The following COL5A1 variants were observed in gnomAD, a reference collection of about 807,000 sequenced individuals.
The protein encoded by COL5A1 is collagen type V alpha 1 chain, also known as collagen alpha-1(V) chain.
COL5A1 carries 16 observed loss-of-function variants against 263.7 expected under a neutral mutation model. The ratio of observed to expected loss-of-function variants is 0.06; its 90% CI spans 0.04 to 0.09. COL5A1 has a LOEUF of 0.09. COL5A1 is among the 10% of genes least tolerant of loss of function. COL5A1 has a pLI of 1.00. For missense variants in COL5A1, 2,036 were observed against 2,540.5 expected, an observed-to-expected ratio of 0.80 and a Z score of 4.27; for synonymous variants, 1,012 against 1,004.5, an observed-to-expected ratio of 1.01 and a Z score of -0.14.
chr9:134,764,990 G>C (rs919726897), intron 20 of COL5A1, among the ~76,000 whole-genome samples: 3 of 152,194 alleles, frequency 2.0e-5, no homozygotes, highest in Admixed American at 1.3e-4. Flanking sequence ...TGAAGCCTCT[G>C]TAATTCTCCG....
At chr9:134,785,669 G>C (rs986944902) in intron 30 of COL5A1, among the ~76,000 whole-genome samples, 7 of 152,208 alleles carry the variant, frequency 4.6e-5, no homozygotes, top group African/African-American at 1.7e-4. Flanking sequence ...CATACAAAAG[G>C]GCTCAGAGGT....
At chr9:134,796,947 AAAACCCACCTGTCCCCTCC>A in intron 36 of COL5A1, 46 bp downstream of exon 36, 1 of 268,242 alleles carries the variant, frequency 3.7e-6, no homozygotes, top group Non-Finnish European at 4.8e-6. Context: ...TGTCCCCTCC[AAAACCCACCTGTCCCCTCC>A]AAAACCCGCC....
At chr9:134,760,279 A>AC (rs1836299109) in intron 18 of COL5A1, among the ~76,000 whole-genome samples, 1 of 113,924 alleles carries the variant, frequency 8.8e-6, no homozygotes, top group Non-Finnish European at 1.7e-5. Context: ...ACACATGCAC[A>AC]CACGCACACA....
chr9:134,797,964 A>T (rs960130154), intron 36 of COL5A1, among the ~76,000 whole-genome samples: 4 of 152,224 alleles, frequency 2.6e-5, no homozygotes, highest in Non-Finnish European at 5.9e-5. Context: ...ACGTCGCCTT[A>T]TGGCAGGTGT....
In COL5A1 at chr9:134,835,005, G is replaced by T; in HGVS notation, c.5171G>T (p.Gly1724Val). The part of the protein sequence containing the change: ...SYVDAEGNPV[G>V]VVQMTFLRLL... ...GTGGACGCCGAGGGCAACCCTGTGG[G>T]TGTGGTACAGATGACCTTCCTGCGG... The change falls in exon 65 of 66, where the codon GGT becomes GTT. Residue 1724 changes from glycine to valine, a missense_variant. Physicochemically the swap from Gly to Val is moderately radical, Grantham distance 109 (BLOSUM62 -3). Around this residue, in one of 3 missense-constraint regions of COL5A1, gnomAD observed 358 missense variants for 384.6 expected, o/e 0.93. Coordinates refer to ENST00000371817, the MANE Select transcript of COL5A1 (RefSeq NM_000093.5). 3.1e-6 allele frequency: 5 copies of T among 1,613,774 alleles called. No homozygotes were observed. The highest frequency in any genetic ancestry group is 4.2e-6 in the Non-Finnish European group (5 of 1,180,030).
chr9:134,815,627 G>T lies in COL5A1; in HGVS notation c.4066G>T (p.Ala1356Ser), dbSNP rs147868179. 6.2e-7 allele frequency: 1 copy of T among 1,613,544 alleles called. No individual in the cohort carries two copies. The highest frequency in any genetic ancestry group is 1.7e-4 in the Middle Eastern group (1 of 6,048). ...TGGCCCCCCCGGAGAGCCTGGCCCCGCGGTAGGTGCTCAAGAGGGCAAAGC... is the reference window on the plus strand; with the variant it reads ...TGGCCCCCCCGGAGAGCCTGGCCCCTCGGTAGGTGCTCAAGAGGGCAAAGC... ...DPGPPGEPGP[A>S]GQDGPPGDKG... is the part of the protein sequence containing the mutation. Residue 1356 changes from alanine to serine, a missense_variant and splice_region_variant, in exon 51 of 66, where the codon GCG becomes TCG. By Grantham distance (99) the Ala-to-Ser change is moderately conservative. Coordinates refer to ENST00000371817, the MANE Select transcript of COL5A1 (RefSeq NM_000093.5).
chr9:134,810,830 C>T (rs1838494199), intron 44 of COL5A1, among the ~76,000 whole-genome samples: 1 of 152,040 alleles, frequency 6.6e-6, no homozygotes, highest in African/African-American at 2.4e-5. Flanking sequence ...CAAGCAGGAT[C>T]CGTGCTCCTG....
chr9:134,716,947 T>C lies in COL5A1; in HGVS notation c.655-10319T>C, dbSNP rs1403735203. On this transcript the variant is annotated intron_variant, in intron 4 of 65. Coordinates refer to ENST00000371817, the MANE Select transcript of COL5A1 (RefSeq NM_000093.5). The surrounding 1 kb of genome is among the most constrained non-coding windows in gnomAD (Gnocchi z 4.5). The stretch of plus-strand genomic sequence containing the variant: ...AAAGCAATTTCCGACGACATGAAAA[T>C]ATTTCTCTGACACTCTCGTTAATAG... Among the ~76,000 whole-genome samples, 2 of 152,030 alleles carry C rather than the reference T, an allele frequency of 1.3e-5. No individual in the cohort carries two copies. The highest frequency in any genetic ancestry group is 2.9e-5 in the Non-Finnish European group (2 of 68,010).
At chr9:134,695,289 G>T (rs1337151254) in intron 2 of COL5A1, among the ~76,000 whole-genome samples, 1 of 151,374 alleles carries the variant, frequency 6.6e-6, no homozygotes, top group African/African-American at 2.4e-5. Flanking sequence ...TTCGCCTGTG[G>T]CTCTCCTGCA....
chr9:134,775,282 G>C (rs1222007171), intron 27 of COL5A1, among the ~76,000 whole-genome samples: 3 of 152,232 alleles, frequency 2.0e-5, no homozygotes, highest in Admixed American at 6.5e-5. Context: ...GCAGATCCCG[G>C]CTGAAGCCAA....
chr9:134,711,270 C>T (rs929525382), intron 4 of COL5A1, among the ~76,000 whole-genome samples: 8 of 152,000 alleles, frequency 5.3e-5, no homozygotes, highest in African/African-American at 1.2e-4. Context: ...CCCAAGCAGA[C>T]GGTCCAGGTG....
intron 1 of COL5A1, among the ~76,000 whole-genome samples, chr9:134,685,411 A>C (rs377705421): frequency 0.021 from 473 of 22,812 alleles, no homozygotes; most frequent in Admixed American, 0.026. Context: ...TCCATCCATT[A>C]ATTCATCCAT....
intron 59 of COL5A1, 53 bp from the exon 60 acceptor site, chr9:134,822,945 G>A (rs1839076992): frequency 2.5e-6 from 4 of 1,610,702 alleles, no homozygotes; most frequent in South Asian, 2.2e-5. Flanking sequence ...GGAGCACGGT[G>A]GGGCTGGAGC....
At chr9:134,723,574 C>G (rs1184195112) in intron 4 of COL5A1, among the ~76,000 whole-genome samples, 1 of 152,236 alleles carries the variant, frequency 6.6e-6, no homozygotes. Flanking sequence ...CCAGCCTCTT[C>G]TATCTGTTAA....
intron 26 of COL5A1, 74 bp from the exon 27 acceptor site, chr9:134,774,785 C>A: frequency 6.7e-7 from 1 of 1,493,140 alleles, no homozygotes; most frequent in Non-Finnish European, 9.2e-7. Flanking sequence ...ATGCCGAACT[C>A]TGGAGTTTCC....
chr9:134,772,614 A>T (rs1464749471), intron 25 of COL5A1, among the ~76,000 whole-genome samples, 176 bp from the exon 26 acceptor site: 2 of 152,174 alleles, frequency 1.3e-5, no homozygotes, highest in African/African-American at 4.8e-5. Context: ...CGGCTCGGGG[A>T]GGCCGGGCTG....
Position 134,754,013 on chromosome 9 carries a change from T to C in COL5A1, c.1773+110T>C. 2 of 1,059,118 alleles carry C rather than the reference T, an allele frequency of 1.9e-6. No individual in the cohort carries two copies. Among genetic ancestry groups the C allele is most frequent in the South Asian group, 1.3e-5 (1 of 78,692 alleles). 65.6% of individuals were successfully genotyped at this position (1,059,118 alleles called of 1,614,324 possible). A position where few individuals can be genotyped will look rare whatever the true frequency, so the allele number is the denominator to read the frequency against. On this transcript the variant is annotated intron_variant, in intron 15 of 65. Coordinates refer to ENST00000371817, the MANE Select transcript of COL5A1 (RefSeq NM_000093.5). The surrounding 1 kb of genome is among the most constrained non-coding windows in gnomAD (Gnocchi z 4.3). The stretch of plus-strand genomic sequence containing the variant: ...TGCTGCATGTTTTCAAGGAAATTCG[T>C]GGGAATTGTCCTTGCTTTACGCAGT...
rs1838854854 is a variant in COL5A1 at position 134,818,490 on chromosome 9, A to G, written c.4231-166A>G. On this transcript the variant is annotated intron_variant, in intron 54 of 65. Coordinates refer to ENST00000371817, the MANE Select transcript of COL5A1 (RefSeq NM_000093.5). This position sits in a 1 kb window ranked among gnomAD's most constrained non-coding sequence, Gnocchi z 6.0. ...AGATGATCGGGATGGAGACTTGACC[A>G]GGGCAGCTTCCACAGGCAATGAAAT... 6.6e-6 allele frequency among the ~76,000 whole-genome samples: 1 copy of G among 152,168 alleles called. No homozygotes were observed. Among genetic ancestry groups the G allele is most frequent in the Non-Finnish European group, 1.5e-5 (1 of 68,026 alleles).
At chr9:134,816,911 G>C (rs574397967) in intron 52 of COL5A1, 115 bp from the exon 53 acceptor site, 1 of 933,198 alleles carries the variant, frequency 1.1e-6, no homozygotes, top group African/African-American at 1.6e-5. Context: ...AAAGAAGAGA[G>C]AGGCGGCCGC....
Sources: gnomAD v4.1 joint callset for allele counts (sites outside exome capture counted in the v4.1 genomes callset) on GRCh38, gnomAD v4.1.1 for gene constraint, gnomAD v4.1.1 regional missense constraint, Gnocchi (gnomAD v3.1) non-coding constraint, MANE v1.5 for transcripts, NCBI Gene and HGNC (gene_info 2026-07-23, HGNC 2026-07-21) for gene names.